Variants in CDH22 observed in about 807,000 individuals in gnomAD.
CDH22 encodes cadherin 22, also known as cadherin-22.
In CDH22, 30 loss-of-function variants were observed where a neutral mutation model predicts 58.4. The ratio of observed to expected loss-of-function variants is 0.51; its 90% CI spans 0.38 to 0.70. CDH22 has a LOEUF of 0.70. Ranked by LOEUF, CDH22 falls within the 30% of genes least tolerant of loss-of-function variation. The pLI is 0.00. For missense variants in CDH22, 1,014 were observed against 1,233.9 expected (o/e 0.82, Z 2.67); for synonymous variants, 513 against 558.2 (o/e 0.92, Z 1.14).
intron 1 of CDH22, among the ~76,000 whole-genome samples, chr20:46,297,156 G>A (rs933981315): frequency 2.0e-5 from 3 of 152,208 alleles, no homozygotes; most frequent in Admixed American, 6.5e-5. Flanking sequence ...GACAGAGGGT[G>A]GCATGAGGGC....
At chr20:46,295,857 G>C (rs1468576064) in intron 1 of CDH22, among the ~76,000 whole-genome samples, 1 of 152,188 alleles carries the variant, frequency 6.6e-6, no homozygotes, top group Non-Finnish European at 1.5e-5. Context: ...CAAACTCCAG[G>C]GCTCAAGCGA....
intron 8 of CDH22, among the ~76,000 whole-genome samples, chr20:46,192,209 A>G (rs1372044622): frequency 6.6e-6 from 1 of 152,188 alleles, no homozygotes; most frequent in East Asian, 1.9e-4. Context: ...CTGTGTGCAC[A>G]CTACATAGTA....
chr20:46,251,209 G>A lies in CDH22; in HGVS notation c.86C>T (p.Pro29Leu). 2 of 1,467,774 alleles carry A rather than the reference G, an allele frequency of 1.4e-6. No homozygotes were observed. Among genetic ancestry groups the A allele is most frequent in the South Asian group, 1.3e-5 (1 of 74,844 alleles). The allele number at this position is 1,467,774 out of a possible 1,614,324, so 90.9% of individuals were successfully genotyped here. A position where few individuals can be genotyped will look rare whatever the true frequency, so the allele number is the denominator to read the frequency against. ...ALLLLLLLPP[P>L]PTLLGRLWAA... ...CCACAGGCGCCCCAGCAGCGTCGGCGGCGGCGGCAGCAGCAGCAGCAGCAG... is the reference window on the plus strand; with the variant it reads ...CCACAGGCGCCCCAGCAGCGTCGGCAGCGGCGGCAGCAGCAGCAGCAGCAG... Residue 29 changes from proline (P) to leucine (L), a missense_variant, in exon 2 of 12, where the codon CCG becomes CTG. Physicochemically the swap from Pro to Leu is moderately conservative, Grantham distance 98. Coordinates refer to ENST00000537909, the MANE Select transcript of CDH22 (RefSeq NM_021248.3). This position sits in a 1 kb window ranked among gnomAD's most constrained non-coding sequence, Gnocchi z 6.7.
At chr20:46,245,084 C>T (rs1018768854) in intron 2 of CDH22, among the ~76,000 whole-genome samples, 4 of 152,082 alleles carry the variant, frequency 2.6e-5, no homozygotes, top group East Asian at 1.9e-4. Flanking sequence ...AAGCTCCTTG[C>T]GCTTAGTAGG....
intron 1 of CDH22, among the ~76,000 whole-genome samples, chr20:46,262,420 C>T (rs1047451995): frequency 1.3e-5 from 2 of 152,108 alleles, no homozygotes; most frequent in Admixed American, 1.3e-4. Context: ...CCGCCCCAGG[C>T]TATATGTCGA....
rs948182673 is a variant in CDH22 at position 46,173,841 on chromosome 20, T to G, written c.*665A>C. ...TTTTTAGCCTCACAACTCTTCGAGG[T>G]AGGTTCTGTTATTAACCCCATTTGA... On this transcript the variant is annotated 3_prime_UTR_variant, in exon 12 of 12. Coordinates refer to ENST00000537909, the MANE Select transcript of CDH22 (RefSeq NM_021248.3). 1 of 152,362 alleles carries G rather than the reference T, an allele frequency of 6.6e-6. No individual in the cohort carries two copies. The highest frequency in any genetic ancestry group is 6.5e-5 in the Admixed American group (1 of 15,278). The allele number at this position is 152,362 out of a possible 1,614,324, so 9.4% of individuals were successfully genotyped here.
intron 10 of CDH22, among the ~76,000 whole-genome samples, chr20:46,183,855 C>G (rs1461877590): frequency 6.6e-6 from 1 of 152,124 alleles, no homozygotes; most frequent in African/African-American, 2.4e-5. Context: ...TGATCTGGCC[C>G]CCTCGCTGAC....
intron 2 of CDH22, among the ~76,000 whole-genome samples, chr20:46,244,446 TAG>T (rs1289970562): frequency 6.6e-6 from 1 of 152,176 alleles, no homozygotes; most frequent in Non-Finnish European, 1.5e-5. Context: ...GGCTCTGCCC[TAG>T]GAAGATATTT....
intron 8 of CDH22, among the ~76,000 whole-genome samples, chr20:46,195,490 T>C (rs1207779739): frequency 6.6e-6 from 1 of 152,220 alleles, no homozygotes; most frequent in African/African-American, 2.4e-5. Context: ...AACCCTTTGC[T>C]GTCCTGGACA....
At chr20:46,245,484 T>C (rs979075910) in intron 2 of CDH22, among the ~76,000 whole-genome samples, 2 of 152,128 alleles carry the variant, frequency 1.3e-5, no homozygotes, top group African/African-American at 4.8e-5. Flanking sequence ...TGGCACACAC[T>C]AGGTACCCTG....
At chr20:46,220,749 C>G (rs2086117986) in intron 4 of CDH22, 1 of 152,256 alleles carries the variant, frequency 6.6e-6, no homozygotes, top group African/African-American at 2.4e-5. Context: ...GGGGACACGA[C>G]ACTCTTCTCA....
rs778679068 is a variant in CDH22 at position 46,178,005 on chromosome 20, G to A, written c.1856C>T (p.Ala619Val). ...QSCNTTAFVM[A>V]ASLSPGALIA... ...GAGGGCGCCGGGGCTGAGGGAGGCG[G>A]CCATGACAAAGGCCGTGGTGTTGCA... Residue 619 changes from alanine (A) to valine (V), a missense_variant, in exon 11 of 12, where the codon GCC (alanine) becomes GTC (valine). Around this residue, in one of 2 missense-constraint regions of CDH22, gnomAD observed 806 missense variants for 1,038.7 expected, o/e 0.78. Transcript: ENST00000537909. The A allele has an allele frequency of 4.3e-6, 7 of 1,614,078 alleles. No homozygotes were observed. In the South Asian group the frequency reaches 7.7e-5, roughly 18 times the overall value.
At chr20:46,272,339 G>A (rs141610798) in intron 1 of CDH22, among the ~76,000 whole-genome samples, 39 of 152,306 alleles carry the variant, frequency 2.6e-4, no homozygotes, top group South Asian at 1.0e-3. Context: ...TTCCTGAGAC[G>A]TGCATGTTGA....
intron 1 of CDH22, among the ~76,000 whole-genome samples, chr20:46,282,610 T>G (rs1169329162): frequency 6.6e-6 from 1 of 152,104 alleles, no homozygotes; most frequent in Non-Finnish European, 1.5e-5. Context: ...ACAAATGCAG[T>G]GCGAATTGGG....
intron 7 of CDH22, chr20:46,209,920 A>T (rs2086027640): frequency 5.2e-6 from 1 of 192,300 alleles, no homozygotes; most frequent in African/African-American, 2.3e-5. Flanking sequence ...GATGAGAGGG[A>T]AGGGGGTGCA....
At chr20:46,193,654 C>T (rs942248526) in intron 8 of CDH22, among the ~76,000 whole-genome samples, 3 of 152,178 alleles carry the variant, frequency 2.0e-5, no homozygotes, top group Non-Finnish European at 2.9e-5. Flanking sequence ...TCACCCCTTG[C>T]CTCACCTGCT....
At chr20:46,243,877 A>C (rs1178258283) in intron 2 of CDH22, among the ~76,000 whole-genome samples, 1 of 152,190 alleles carries the variant, frequency 6.6e-6, no homozygotes, top group Non-Finnish European at 1.5e-5. Context: ...CCCATTTCTC[A>C]GGTTAGAAAA....
chr20:46,262,360 C>T (rs1244110527), intron 1 of CDH22, among the ~76,000 whole-genome samples: 1 of 152,030 alleles, frequency 6.6e-6, no homozygotes. Context: ...ACCCCATATA[C>T]ACAGTCACCT....
chr20:46,181,752 C>CTTCCTTCCTTTCTTTCTTTCT, intron 10 of CDH22, among the ~76,000 whole-genome samples: 1 of 26,264 alleles, frequency 3.8e-5, no homozygotes, highest in African/African-American at 1.3e-4. Flanking sequence ...TCCTTCCTTC[C>CTTCCTTCCTTTCTTTCTTTCT]TTCTTTCTTT....
Sources: allele counts gnomAD v4.1 joint callset (sites outside exome capture counted in the v4.1 genomes callset), GRCh38; gene constraint gnomAD v4.1.1; regional missense constraint gnomAD v4.1.1; non-coding constraint Gnocchi (gnomAD v3.1); transcripts MANE v1.5; gene names NCBI Gene and HGNC (gene_info 2026-07-23, HGNC 2026-07-21).